FAM240A: variants seen among roughly 807,000 people sequenced by gnomAD.
FAM240A encodes the protein protein FAM240A.
Under a neutral mutation model 7.3 loss-of-function variants are expected in FAM240A, and 8 were observed. That is an observed-to-expected ratio of 1.09 (90% CI 0.64 to 1.97). The LOEUF is 1.97. Among genes scored for constraint, FAM240A ranks in the 30% most tolerant of loss-of-function variants. The pLI, the probability that FAM240A is intolerant of heterozygous loss-of-function variation, is 0.00. For missense variants in FAM240A, 90 were observed against 102.2 expected (o/e 0.88, Z 0.52); for synonymous variants, 32 against 35.9 (o/e 0.89, Z 0.38).
Position 46,625,800 on chromosome 3 carries a change from A to G in FAM240A, c.*582A>G, listed in dbSNP as rs1697756742. On this transcript the variant is annotated 3_prime_UTR_variant, in exon 3 of 3. Coordinates refer to ENST00000640551, the MANE Select transcript of FAM240A (RefSeq NM_001195442.2). ...CAAAAGTATGTTTACCAAGAATAATATCAGAATAATTTTAATAAAACTTGG... is the reference window on the plus strand; with the variant it reads ...CAAAAGTATGTTTACCAAGAATAATGTCAGAATAATTTTAATAAAACTTGG... The G allele has an allele frequency of 6.6e-6, 1 of 152,248 alleles. No individual in the cohort carries two copies. The highest frequency in any genetic ancestry group is 1.5e-5 in the Non-Finnish European group (1 of 68,052). 9.4% of individuals were successfully genotyped at this position (152,248 alleles called of 1,614,324 possible).
intron 1 of FAM240A, among the ~76,000 whole-genome samples, chr3:46,616,308 C>T (rs1697628422): frequency 6.6e-6 from 1 of 152,208 alleles, no homozygotes; most frequent in Admixed American, 6.5e-5. Context: ...TGCAGAGTCT[C>T]AGGGATCATG....
chr3:46,617,643 C>A (rs937203433), intron 2 of FAM240A, among the ~76,000 whole-genome samples: 2 of 152,246 alleles, frequency 1.3e-5, no homozygotes, highest in South Asian at 4.2e-4. Flanking sequence ...TCCTTTAATT[C>A]TTATCTTTAT....
intron 2 of FAM240A, among the ~76,000 whole-genome samples, chr3:46,624,176 TATGCTATTGTACAAA>T (rs1697728408): frequency 6.6e-6 from 1 of 152,220 alleles, no homozygotes; most frequent in Admixed American, 6.5e-5. Context: ...TCTTGGCCTT[TATGCTATTGTACAAA>T]GTACAACTTT....
intron 1 of FAM240A, among the ~76,000 whole-genome samples, chr3:46,616,554 A>C (rs2139635): frequency 0.83 from 125,939 of 151,980 alleles, 54,243 homozygotes; most frequent in Non-Finnish European, 0.94. Context: ...TGGCTTAGCT[A>C]CCACTTATAA....
chr3:46,623,780 T>C (rs1210423242), intron 2 of FAM240A, among the ~76,000 whole-genome samples: 5 of 152,346 alleles, frequency 3.3e-5, no homozygotes, highest in South Asian at 2.1e-4. Context: ...TTAAAGTGGA[T>C]TTCTTATAAG....
intron 2 of FAM240A, among the ~76,000 whole-genome samples, chr3:46,624,264 A>ATTTTTTTTTTTTT (rs59290700): frequency 1.0e-5 from 1 of 96,494 alleles, no homozygotes. Flanking sequence ...ACGGTGGGCT[A>ATTTTTTTTTTTTT]TTTTTTTTTT....
At chr3:46,619,177 G>A (rs1476628135) in intron 2 of FAM240A, among the ~76,000 whole-genome samples, 1 of 152,040 alleles carries the variant, frequency 6.6e-6, no homozygotes, top group Admixed American at 6.6e-5. Flanking sequence ...ATACGCCAAA[G>A]GAAGACATTC....
Position 46,612,614 on chromosome 3 carries a change from C to T in FAM240A, c.-70C>T, listed in dbSNP as rs1559437106. On this transcript the variant is annotated 5_prime_UTR_variant, in exon 1 of 3. Transcript: ENST00000640551. Reference sequence around the variant, plus strand: ...GAACGTGAATTGGCTCCTGGGGCAGCACAGATGCCTCACAGGCGGTCAAGT... The same window carrying T: ...GAACGTGAATTGGCTCCTGGGGCAGTACAGATGCCTCACAGGCGGTCAAGT... 11 of 1,323,536 alleles carry T rather than the reference C, an allele frequency of 8.3e-6. No homozygotes were observed. Among genetic ancestry groups the T allele is most frequent in the Non-Finnish European group, 1.2e-5 (11 of 951,684 alleles). The allele number at this position is 1,323,536 out of a possible 1,614,324, so 82.0% of individuals were successfully genotyped here. A position where few individuals can be genotyped will look rare whatever the true frequency, so the allele number is the denominator to read the frequency against.
Position 46,617,236 on chromosome 3 carries a change from T to C in FAM240A, c.69T>C (p.His23=), listed in dbSNP as rs1575384954. ...AGGTCTTCTGCCGGAACACCTGCCA[T>C]GATCTCAAGCATTTCTGGGAAAGGG... ...RREVFCRNTC[H]DLKHFWEREI... Residue 23 remains histidine (H), a synonymous_variant, in exon 2 of 3, where the codon CAT becomes CAC. Transcript: ENST00000640551. 6.5e-7 allele frequency: 1 copy of C among 1,535,562 alleles called. No individual in the cohort carries two copies. The highest frequency in any genetic ancestry group is 8.7e-7 in the Non-Finnish European group (1 of 1,146,628).
chr3:46,625,902 C>A lies in FAM240A; in HGVS notation c.*684C>A, dbSNP rs1697757609. 6.6e-6 allele frequency: 1 copy of A among 152,218 alleles called. No homozygotes were observed. The highest frequency in any genetic ancestry group is 2.1e-4 in the South Asian group (1 of 4,836). 9.4% of individuals were successfully genotyped at this position (152,218 alleles called of 1,614,324 possible). On this transcript the variant is annotated 3_prime_UTR_variant, in exon 3 of 3. Transcript: ENST00000640551. ...CTCTGCATGTTTACACTGGTTGGCTCTCTGTCAGCCCAGCCAAAGCATATC... is the reference window on the plus strand; with the variant it reads ...CTCTGCATGTTTACACTGGTTGGCTATCTGTCAGCCCAGCCAAAGCATATC...
At chr3:46,619,930 C>T (rs1412466462) in intron 2 of FAM240A, among the ~76,000 whole-genome samples, 12 of 152,176 alleles carry the variant, frequency 7.9e-5, no homozygotes, top group Non-Finnish European at 1.6e-4. Context: ...GTCCCTACTG[C>T]AGTGCTGAAC....
intron 2 of FAM240A, among the ~76,000 whole-genome samples, chr3:46,620,955 A>G (rs149973798): frequency 6.6e-6 from 1 of 152,330 alleles, no homozygotes; most frequent in African/African-American, 2.4e-5. Flanking sequence ...TTTGTTTAAC[A>G]TGCAGGAGAA....
Position 46,626,398 on chromosome 3 carries a change from A to G in FAM240A, c.*1180A>G, listed in dbSNP as rs1261656047. The G allele has an allele frequency of 1.3e-5, 2 of 152,164 alleles. No individual in the cohort carries two copies. The allele number at this position is 152,164 out of a possible 1,614,324, so 9.4% of individuals were successfully genotyped here. On this transcript the variant is annotated 3_prime_UTR_variant, in exon 3 of 3. Transcript: ENST00000640551. Reference sequence around the variant, plus strand: ...ATCAAAGCCTTCTGTTTTGGGTTAGATGGTGGTTGCTAGGTGGAGGGTGCT... The same window carrying G: ...ATCAAAGCCTTCTGTTTTGGGTTAGGTGGTGGTTGCTAGGTGGAGGGTGCT...
intron 2 of FAM240A, among the ~76,000 whole-genome samples, chr3:46,622,065 T>C (rs1697702905): frequency 6.6e-6 from 1 of 151,384 alleles, no homozygotes; most frequent in South Asian, 2.1e-4. Flanking sequence ...TTTGCAGAGA[T>C]GTTCTCAATT....
At chr3:46,623,904 C>T (rs1697725102) in intron 2 of FAM240A, among the ~76,000 whole-genome samples, 2 of 152,188 alleles carry the variant, frequency 1.3e-5, no homozygotes, top group Non-Finnish European at 2.9e-5. Context: ...AATCTACCAT[C>T]GTGCTATGTG....
chr3:46,622,794 G>C (rs1252909224), intron 2 of FAM240A, among the ~76,000 whole-genome samples: 1 of 152,192 alleles, frequency 6.6e-6, no homozygotes, highest in African/African-American at 2.4e-5. Context: ...AATTCTTGAA[G>C]TCAGGTGTTG....
chr3:46,625,083 C>A (rs1429383485), intron 2 of FAM240A, 45 bp from the exon 3 acceptor site: 1 of 1,385,386 alleles, frequency 7.2e-7, no homozygotes, highest in Non-Finnish European at 9.9e-7. Flanking sequence ...AACCAAGAGC[C>A]ATGGAAATGA....
Position 46,625,380 on chromosome 3 carries a change from A to G in FAM240A, c.*162A>G, listed in dbSNP as rs1446268024. 1 of 486,700 alleles carries G rather than the reference A, an allele frequency of 2.1e-6. No homozygotes were observed. The highest frequency in any genetic ancestry group is 3.2e-5 in the South Asian group (1 of 31,050). The allele number at this position is 486,700 out of a possible 1,614,324, so 30.1% of individuals were successfully genotyped here. ...CCTGTAAATCCTTTCCCAGTGTTTG[A>G]TGGCAGTTATTGGCCAAGTCAGTCC... is the stretch of plus-strand genomic sequence containing the variant. On this transcript the variant is annotated 3_prime_UTR_variant, in exon 3 of 3. Transcript: ENST00000640551.
At chr3:46,622,187 G>T (rs966089068) in intron 2 of FAM240A, among the ~76,000 whole-genome samples, 1 of 138,900 alleles carries the variant, frequency 7.2e-6, no homozygotes, top group Non-Finnish European at 1.5e-5. Flanking sequence ...CCCACTGCAA[G>T]CTCCATCTCC....
Sources: gnomAD v4.1 joint callset for allele counts (sites outside exome capture counted in the v4.1 genomes callset) on GRCh38, gnomAD v4.1.1 for gene constraint, MANE v1.5 for transcripts, NCBI Gene and HGNC (gene_info 2026-07-23, HGNC 2026-07-21) for gene names.